Variants in GDF10 observed in about 807,000 individuals in gnomAD.
GDF10 encodes the protein growth differentiation factor 10.
A neutral mutation model predicts 32.1 loss-of-function variants in GDF10; 23 were observed. The ratio of observed to expected loss-of-function variants is 0.72; its 90% confidence interval spans 0.52 to 1.02. GDF10 has a LOEUF of 1.02. GDF10 is among the 50% of genes least tolerant of loss of function. GDF10 has a pLI of 0.00. For missense variants in GDF10, 764 were observed against 673.9 expected, an observed-to-expected ratio of 1.13 and a Z score of -1.48; for synonymous variants, 328 against 303.1, an observed-to-expected ratio of 1.08 and a Z score of -0.85.
intron 2 of GDF10, among the ~76,000 whole-genome samples, chr10:47,311,736 G>A (rs552771748): frequency 2.6e-5 from 4 of 152,202 alleles, no homozygotes; most frequent in South Asian, 2.1e-4. Context: ...TTGGCCATGC[G>A]GTTAGCTTAT....
At chr10:47,307,928 C>G (rs2132223929) in intron 1 of GDF10, among the ~76,000 whole-genome samples, 1 of 152,326 alleles carries the variant, frequency 6.6e-6, no homozygotes, top group Non-Finnish European at 1.5e-5. Context: ...TGGCACTTCA[C>G]TAGGCTGTTT....
chr10:47,302,586 G>C lies in GDF10; in HGVS notation c.319+1616G>C, dbSNP rs117386182. ...TCACAGAAAGGGGGTAGTACAAGTAGCAGTGGAGTTCAGGTTATTAATCTC... is the reference window on the plus strand; with the variant it reads ...TCACAGAAAGGGGGTAGTACAAGTACCAGTGGAGTTCAGGTTATTAATCTC... On this transcript the variant is annotated intron_variant, in intron 1 of 2. Transcript: ENST00000580279. 1.1e-3 allele frequency among the ~76,000 whole-genome samples: 169 copies of C among 152,314 alleles called. 8 individuals carry two copies. The East Asian group carries it at 0.025, about 22-fold the overall frequency.
At chr10:47,302,441 C>G (rs1273965556) in intron 1 of GDF10, among the ~76,000 whole-genome samples, 1 of 152,180 alleles carries the variant, frequency 6.6e-6, no homozygotes, top group Non-Finnish European at 1.5e-5. Flanking sequence ...ATCCTCAAAG[C>G]CTTGTAGTTG....
intron 1 of GDF10, among the ~76,000 whole-genome samples, chr10:47,301,375 C>A (rs775052002): frequency 1.3e-5 from 2 of 152,228 alleles, no homozygotes; most frequent in African/African-American, 2.4e-5. Context: ...AGGCACTGGG[C>A]CCTGTCAGGA....
chr10:47,301,577 C>T (rs1234344771), intron 1 of GDF10, among the ~76,000 whole-genome samples: 1 of 152,226 alleles, frequency 6.6e-6, no homozygotes, highest in Admixed American at 6.5e-5. Flanking sequence ...GCCTCTGTCC[C>T]ACCTTTCCAC....
At position 47,310,494 on chromosome 10, in the gene GDF10, C is replaced by T; in HGVS notation, c.1018C>T (p.Arg340Cys). 6.2e-7 allele frequency: 1 copy of T among 1,613,774 alleles called. No homozygotes were observed. Among genetic ancestry groups the T allele is most frequent in the Non-Finnish European group, 8.5e-7 (1 of 1,179,694 alleles). The change falls in exon 2 of 3, where the codon CGC becomes TGC. Residue 340 changes from arginine (R) to cysteine (C), a missense_variant. Transcript: ENST00000580279. ...ALKPRPGRKDRRKKGQEVFMA... is the reference protein window; with the variant it reads ...ALKPRPGRKDCRKKGQEVFMA... ...GAAACCCCGGCCAGGGCGCAAAGAC[C>T]GCAGGAAGAAGGGCCAGGAGGTGTT...
chr10:47,308,322 G>T (rs1412192031), intron 1 of GDF10, among the ~76,000 whole-genome samples: 1 of 152,176 alleles, frequency 6.6e-6, no homozygotes, highest in East Asian at 1.9e-4. Flanking sequence ...GCTTATGTGT[G>T]GAGCATGTTG....
intron 1 of GDF10, among the ~76,000 whole-genome samples, chr10:47,304,403 G>A (rs952619131): frequency 3.7e-4 from 57 of 152,058 alleles, no homozygotes; most frequent in African/African-American, 1.3e-3. Flanking sequence ...GGGAGAGAGA[G>A]GGAGGAAGAG....
rs2060999644 is a variant in GDF10 at position 47,300,536 on chromosome 10, G to A, written c.-116G>A. 2 of 948,106 alleles carry A rather than the reference G, an allele frequency of 2.1e-6. No individual in the cohort carries two copies. Among genetic ancestry groups the A allele is most frequent in the Non-Finnish European group, 3.0e-6 (2 of 664,788 alleles). The allele number at this position is 948,106 out of a possible 1,614,324, so 58.7% of individuals were successfully genotyped here. A position where few individuals can be genotyped will look rare whatever the true frequency, so the allele number is the denominator to read the frequency against. ...CGCGGACCTCGGTATCCAGCGCCCT[G>A]CTGCCCGGGCTCTCCCCGCGCGCCC... On this transcript the variant is annotated 5_prime_UTR_variant, in exon 1 of 3. Transcript: ENST00000580279.
intron 1 of GDF10, among the ~76,000 whole-genome samples, chr10:47,305,460 C>T (rs2061019923): frequency 6.6e-6 from 1 of 152,208 alleles, no homozygotes; most frequent in African/African-American, 2.4e-5. Flanking sequence ...TGGAAACGGG[C>T]ACTAAGTACT....
rs1555206672 is a variant in GDF10, at chr10:47,300,224, G to T, written c.-428G>T. On this transcript the variant is annotated 5_prime_UTR_variant, in exon 1 of 3. Transcript: ENST00000580279. Reference sequence around the variant, plus strand: ...ACACGGGCGCACGCACACGGCAGCCGGGCCAGGGACGACCCTGTCAGCTGC... The same window carrying T: ...ACACGGGCGCACGCACACGGCAGCCTGGCCAGGGACGACCCTGTCAGCTGC... Among the ~76,000 whole-genome samples the T allele has an allele frequency of 6.6e-6, 1 of 151,652 alleles. No homozygotes were observed. The highest frequency in any genetic ancestry group is 1.9e-4 in the East Asian group (1 of 5,164).
chr10:47,301,107 C>A, intron 1 of GDF10, 137 bp downstream of exon 1: 2 of 639,434 alleles, frequency 3.1e-6, no homozygotes, highest in Non-Finnish European at 5.0e-6. Flanking sequence ...ACTAATGATT[C>A]ACTGATCTCT....
intron 1 of GDF10, among the ~76,000 whole-genome samples, chr10:47,302,835 G>C (rs2061009342): frequency 6.6e-6 from 1 of 152,182 alleles, no homozygotes; most frequent in African/African-American, 2.4e-5. Context: ...TCAGGATTCT[G>C]GTAGTCTGGA....
At chr10:47,312,471 G>T (rs743508) in intron 2 of GDF10, 130 bp from the exon 3 acceptor site, 101,128 of 482,986 alleles carry the variant, frequency 0.21, 11,243 homozygotes, top group East Asian at 0.32. Context: ...CCTCTAGGTG[G>T]ATGCCTATTC....
rs142521512 is a variant in GDF10 at position 47,305,628 on chromosome 10, G to A, written c.320-4168G>A. 9.7e-4 allele frequency among the ~76,000 whole-genome samples: 148 copies of A among 152,274 alleles called. No individual in the cohort carries two copies. In the East Asian group the frequency reaches 0.014, roughly 15 times the overall value. On this transcript the variant is annotated intron_variant, in intron 1 of 2. Coordinates refer to ENST00000580279, the MANE Select transcript of GDF10 (RefSeq NM_004962.5). ...GGGTGAAGGGACAGATCTCCAAACC[G>A]TCTTGGAATCTTTTTATATAGGGCA...
rs2061043333 is a variant in GDF10, at chr10:47,310,739, T to G, written c.1245+18T>G. 1 of 1,560,762 alleles carries G rather than the reference T, an allele frequency of 6.4e-7. No homozygotes were observed. Among genetic ancestry groups the G allele is most frequent in the South Asian group, 1.1e-5 (1 of 90,004 alleles). ...TGCCTAAGGTAGGGTTTCTTCCGCCTTTTGCCAAATTCTAAGGCTCAGCTC... is the reference window on the plus strand; with the variant it reads ...TGCCTAAGGTAGGGTTTCTTCCGCCGTTTGCCAAATTCTAAGGCTCAGCTC... On this transcript the variant is annotated intron_variant, in intron 2 of 2. Coordinates refer to ENST00000580279, the MANE Select transcript of GDF10 (RefSeq NM_004962.5).
At position 47,312,699 on chromosome 10, in the gene GDF10, G is replaced by A. The variant is rs781809828; in HGVS notation, c.1344G>A (p.Met448Ile). The stretch of plus-strand genomic sequence containing the variant: ...AGCCCTGCTGTGTTCCCGATAAGAT[G>A]AACTCCCTTGGGGTCCTCTTCCTGG... ...IPEPCCVPDK[M>I]NSLGVLFLDE... Residue 448 changes from methionine to isoleucine, a missense_variant, in exon 3 of 3, where the codon ATG becomes ATA. Met to Ile is a conservative substitution (Grantham distance 10). Transcript: ENST00000580279. 2 of 1,610,648 alleles carry A rather than the reference G, an allele frequency of 1.2e-6. No individual in the cohort carries two copies. Among genetic ancestry groups the A allele is most frequent in the South Asian group, 2.2e-5 (2 of 90,246 alleles).
intron 1 of GDF10, among the ~76,000 whole-genome samples, chr10:47,302,693 G>T (rs2132220197): frequency 6.6e-6 from 1 of 152,324 alleles, no homozygotes; most frequent in East Asian, 1.9e-4. Flanking sequence ...GTTGTTCACA[G>T]TGGCAGGGGT....
At chr10:47,303,111 G>A (rs1010640850) in intron 1 of GDF10, among the ~76,000 whole-genome samples, 9 of 152,186 alleles carry the variant, frequency 5.9e-5, no homozygotes, top group Non-Finnish European at 1.0e-4. Context: ...CCTGCCCTCA[G>A]ATGTGCCTAC....
Sources: allele counts gnomAD v4.1 joint callset (sites outside exome capture counted in the v4.1 genomes callset), GRCh38; gene constraint gnomAD v4.1.1; transcripts MANE v1.5; gene names NCBI Gene and HGNC (gene_info 2026-07-23, HGNC 2026-07-21).